FER1L6: variants seen among roughly 807,000 people sequenced by gnomAD.
The protein encoded by FER1L6 is fer-1 like family member 6, also known as fer-1-like protein 6.
FER1L6 carries 177 observed loss-of-function variants against 219.2 expected under a neutral mutation model. That is an observed-to-expected ratio of 0.81 (90% CI 0.71 to 0.91). The LOEUF (loss-of-function observed/expected upper bound fraction) is 0.91, where lower values mean the gene tolerates loss of function less well. FER1L6 is among the 40% of genes least tolerant of loss of function. The probability of loss-of-function intolerance (pLI) is 0.00; values close to 1 mark genes in which losing one functional copy is unlikely to be tolerated. For synonymous variants in FER1L6, 768 were observed against 824.3 expected (o/e 0.93, Z 1.17); for missense variants, 2,153 against 2,259.9 (o/e 0.95, Z 0.96).
At chr8:124,076,074 G>C in intron 31 of FER1L6, 124 bp from the exon 32 acceptor site, 1 of 1,268,548 alleles carries the variant, frequency 7.9e-7, no homozygotes, top group Non-Finnish European at 1.1e-6. Context: ...GCCCTGGCCC[G>C]TTAAATCAGA....
chr8:123,890,649 T>TTTA (rs1554612335), intron 1 of FER1L6, among the ~76,000 whole-genome samples: 6 of 146,834 alleles, frequency 4.1e-5, no homozygotes, highest in African/African-American at 1.2e-4. Flanking sequence ...TTTTTTTTTT[T>TTTA]ACCTCTGATG....
At chr8:123,944,097 C>A (rs1177994110) in intron 1 of FER1L6, among the ~76,000 whole-genome samples, 1 of 151,926 alleles carries the variant, frequency 6.6e-6, no homozygotes, top group Non-Finnish European at 1.5e-5. Flanking sequence ...AGATTAAACA[C>A]CCCATTCAGA....
At chr8:124,050,549 G>A (rs757224212) in intron 22 of FER1L6, among the ~76,000 whole-genome samples, 2 of 152,102 alleles carry the variant, frequency 1.3e-5, no homozygotes, top group Non-Finnish European at 1.5e-5. Context: ...ACCAGGAGGC[G>A]CCTGGTGGTA....
chr8:123,898,976 G>A (rs995126289), intron 1 of FER1L6, among the ~76,000 whole-genome samples: 11 of 151,704 alleles, frequency 7.3e-5, no homozygotes, highest in African/African-American at 2.4e-5. Flanking sequence ...GCATGTGCAA[G>A]TATCTTTTGC....
intron 1 of FER1L6, among the ~76,000 whole-genome samples, chr8:123,869,471 A>G (rs139770175): frequency 6.6e-6 from 1 of 152,222 alleles, no homozygotes; most frequent in Non-Finnish European, 1.5e-5. Flanking sequence ...TGTCAAATCC[A>G]TTTCATCCTG....
At chr8:124,079,656 G>A (rs1821450563) in intron 32 of FER1L6, among the ~76,000 whole-genome samples, 7 of 152,148 alleles carry the variant, frequency 4.6e-5, no homozygotes, top group Admixed American at 4.6e-4. Context: ...GCATGACCCT[G>A]TTTCCATGGA....
chr8:123,852,649 A>G lies in FER1L6; in HGVS notation c.-8+464A>G, dbSNP rs1182129602. Among the ~76,000 whole-genome samples, 2 of 152,138 alleles carry G rather than the reference A, an allele frequency of 1.3e-5. No individual in the cohort carries two copies. The highest frequency in any genetic ancestry group is 2.9e-5 in the Non-Finnish European group (2 of 68,024). On this transcript the variant is annotated intron_variant, in intron 1 of 40. Coordinates refer to ENST00000522917, the MANE Select transcript of FER1L6 (RefSeq NM_001039112.2). The surrounding 1 kb of genome is among the most constrained non-coding windows in gnomAD (Gnocchi z 4.9). ...CTCTCACAAGATTGTTAGACTTTTA[A>G]AACATAAATTTTTATTTTACAGAAA...
intron 33 of FER1L6, among the ~76,000 whole-genome samples, chr8:124,089,288 A>T (rs1222577486): frequency 6.6e-6 from 1 of 152,170 alleles, no homozygotes; most frequent in Admixed American, 6.5e-5. Flanking sequence ...GTGACAGGGT[A>T]GCACTGAGTT....
intron 1 of FER1L6, among the ~76,000 whole-genome samples, chr8:123,897,111 A>G (rs1318324837): frequency 6.6e-6 from 1 of 152,156 alleles, no homozygotes; most frequent in East Asian, 1.9e-4. Flanking sequence ...TCATCATGAT[A>G]CATCTACAAT....
At chr8:124,055,034 A>T (rs1473189603) in intron 22 of FER1L6, among the ~76,000 whole-genome samples, 2 of 152,220 alleles carry the variant, frequency 1.3e-5, no homozygotes, top group African/African-American at 2.4e-5. Flanking sequence ...TGGGCTCTGC[A>T]TATATCTTAA....
chr8:123,859,984 ATT>A lies in FER1L6; in HGVS notation c.-8+7805_-8+7806del, dbSNP rs1309560397. On this transcript the variant is annotated intron_variant, in intron 1 of 40. Transcript: ENST00000522917. Reference sequence around the variant, plus strand: ...TATTATTATTACTATTATTATTATTATTTTTTTAATTATACTTTAAGTTTTAG... The same window carrying A: ...TATTATTATTACTATTATTATTATTATTTTTAATTATACTTTAAGTTTTAG... Among the ~76,000 whole-genome samples the A allele has an allele frequency of 8.1e-5, 7 of 86,312 alleles. 1 individual carries two copies. The highest frequency in any genetic ancestry group is 1.4e-4 in the African/African-American group (4 of 29,486). The allele number at this position is 86,312 out of a possible 152,430, so 56.6% of individuals were successfully genotyped here.
chr8:124,013,677 C>T (rs1586591315), intron 15 of FER1L6, 146 bp downstream of exon 15: 1 of 472,522 alleles, frequency 2.1e-6, no homozygotes, highest in South Asian at 3.5e-5. Flanking sequence ...AGTAATTTCA[C>T]TCGTGCTTGT....
chr8:123,863,069 G>C (rs1816772784), intron 1 of FER1L6, among the ~76,000 whole-genome samples: 1 of 135,612 alleles, frequency 7.4e-6, no homozygotes, highest in African/African-American at 3.3e-5. Context: ...TAATTGTGAT[G>C]TCAGGGTGTC....
Position 124,118,912 on chromosome 8 carries a change from C to T in FER1L6, c.5358C>T (p.Ala1786=). The change falls in exon 40 of 41, where the codon GCC becomes GCT. Residue 1786 remains alanine (A), a synonymous_variant. Transcript: ENST00000522917. ...CTGAGAAAAATCCTGTTGGAAAAGC[C>T]CGAAAGGAGCCAGAGCCCCTGGCCA... ...EEAEKNPVGK[A]RKEPEPLAKP... 1 of 1,613,842 alleles carries T rather than the reference C, an allele frequency of 6.2e-7. No homozygotes were observed. The highest frequency in any genetic ancestry group is 1.1e-5 in the South Asian group (1 of 91,072).
chr8:124,006,615 A>G (rs1271901627), intron 13 of FER1L6, among the ~76,000 whole-genome samples: 1 of 152,220 alleles, frequency 6.6e-6, no homozygotes, highest in African/African-American at 2.4e-5. Context: ...AAGCACATGC[A>G]TTCACATGCA....
rs200371435 is a variant in FER1L6, at chr8:124,013,500, A to T, written c.1891A>T (p.Thr631Ser). 5.0e-6 allele frequency: 8 copies of T among 1,610,498 alleles called. No homozygotes were observed. In the African/African-American group the frequency reaches 8.0e-5, roughly 16 times the overall value. ...GGAGGCACCTGAAGAGAAAATGAAA[A>T]CAGTGCTCAGTGACTTCATCAGTCG... ...SQEAPEEKMK[T>S]VLSDFISRSS... is the part of the protein sequence containing the mutation. Residue 631 changes from threonine (T) to serine (S), a missense_variant, in exon 15 of 41, where the codon ACA (threonine) becomes TCA (serine). By Grantham distance (58) the Thr-to-Ser change is moderately conservative. Transcript: ENST00000522917.
chr8:123,939,279 A>G, intron 1 of FER1L6: 1 of 842,304 alleles, frequency 1.2e-6, no homozygotes, highest in Non-Finnish European at 1.4e-6. Context: ...ATTTTATTAC[A>G]TATTGTTAAG....
Position 123,976,075 on chromosome 8 carries a change from T to C in FER1L6, c.861T>C (p.Ala287=), listed in dbSNP as rs774046944. 1 of 1,611,236 alleles carries C rather than the reference T, an allele frequency of 6.2e-7. No homozygotes were observed. Among genetic ancestry groups the C allele is most frequent in the Non-Finnish European group, 8.5e-7 (1 of 1,178,576 alleles). Reference sequence around the variant, plus strand: ...ATCCCTTTGTGGAGGTCTCCTTTGCTGGGCAGATGGTGAGGAACCATTGTC... The same window carrying C: ...ATCCCTTTGTGGAGGTCTCCTTTGCCGGGCAGATGGTGAGGAACCATTGTC... ...LVDPFVEVSF[A]GQMGRTTVQK... The change falls in exon 9 of 41, where the codon GCT becomes GCC. Residue 287 remains alanine (A), a synonymous_variant. Transcript: ENST00000522917.
intron 21 of FER1L6, chr8:124,046,516 C>A (rs1270107922): frequency 6.6e-6 from 1 of 152,138 alleles, no homozygotes; most frequent in Non-Finnish European, 1.5e-5. Flanking sequence ...CACAAATATT[C>A]TTTTCTTAAA....
Sources: gnomAD v4.1 joint callset for allele counts (sites outside exome capture counted in the v4.1 genomes callset) on GRCh38, gnomAD v4.1.1 for gene constraint, Gnocchi (gnomAD v3.1) non-coding constraint, MANE v1.5 for transcripts, NCBI Gene and HGNC (gene_info 2026-07-23, HGNC 2026-07-21) for gene names.